The following IQSEC3 variants were observed in gnomAD, a reference collection of about 807,000 sequenced individuals.
The protein encoded by IQSEC3 is IQ motif and Sec7 domain ArfGEF 3.
A neutral mutation model predicts 105.4 loss-of-function variants in IQSEC3; 50 were observed. That is an observed-to-expected ratio of 0.47 (90% CI 0.38 to 0.60). IQSEC3 has a LOEUF of 0.60. IQSEC3 is among the 20% of genes least tolerant of loss of function. IQSEC3 has a pLI of 0.00. For missense variants in IQSEC3, 1,415 were observed against 1,630.0 expected (o/e 0.87, Z 2.27); for synonymous variants, 708 against 746.0 (o/e 0.95, Z 0.83).
chr12:139,124 C>G lies in IQSEC3; in HGVS notation c.1761C>G (p.Ala587=), dbSNP rs781806827. The change falls in exon 4 of 14, where the codon GCC becomes GCG. Residue 587 remains alanine, a synonymous_variant. Coordinates refer to ENST00000538872, the MANE Select transcript of IQSEC3 (RefSeq NM_001170738.2). ...EEETAEVGRG[A]EAEAGDLEQL... is the part of the protein sequence containing the mutation. ...AGACGGCGGAGGTGGGGAGAGGGGC[C>G]GAGGCCGAGGCAGGCGACTTGGAGC... The G allele has an allele frequency of 7.3e-6, 11 of 1,514,768 alleles. No homozygotes were observed. The Admixed American group carries it at 1.9e-4, about 26-fold the overall frequency. 93.8% of individuals were successfully genotyped at this position (1,514,768 alleles called of 1,614,324 possible).
At chr12:91,265 C>G (rs545990176) in intron 1 of IQSEC3, among the ~76,000 whole-genome samples, 1 of 152,294 alleles carries the variant, frequency 6.6e-6, no homozygotes, top group East Asian at 1.9e-4. Context: ...CTAAACCACT[C>G]AACTATTTTT....
intron 2 of IQSEC3, among the ~76,000 whole-genome samples, chr12:123,394 T>C (rs1286742950): frequency 2.0e-5 from 3 of 152,236 alleles, no homozygotes; most frequent in African/African-American, 7.2e-5. Flanking sequence ...TGAGCTGTGA[T>C]TGAGCCACTG....
In IQSEC3 at chr12:157,691, C is replaced by G; in HGVS notation, c.2440C>G (p.Arg814Gly). 1 of 1,611,618 alleles carries G rather than the reference C, an allele frequency of 6.2e-7. No homozygotes were observed. The highest frequency in any genetic ancestry group is 8.5e-7 in the Non-Finnish European group (1 of 1,178,424). Residue 814 changes from arginine to glycine, a missense_variant, in exon 7 of 14, where the codon CGA becomes GGA. Transcript: ENST00000538872. ...MMLEDFIRNL[R>G]GVDDGADIPR... ...GCTGGAGGACTTCATCCGAAACCTT[C>G]GAGGTGAGGAGGTGGGCACTGGGGC...
intron 2 of IQSEC3, among the ~76,000 whole-genome samples, chr12:105,295 C>T (rs1416350219): frequency 6.6e-6 from 1 of 152,238 alleles, no homozygotes; most frequent in Non-Finnish European, 1.5e-5. Context: ...CACAAGCCCC[C>T]TGCAGTGGCG....
chr12:148,728 T>A (rs1236014695), intron 5 of IQSEC3: 4 of 152,208 alleles, frequency 2.6e-5, no homozygotes, highest in African/African-American at 7.2e-5. Flanking sequence ...AACTGCCAAA[T>A]AAAGCCAGGG....
chr12:153,176 C>T (rs568194807), intron 5 of IQSEC3, among the ~76,000 whole-genome samples: 15 of 152,104 alleles, frequency 9.9e-5, no homozygotes, highest in Non-Finnish European at 1.9e-4. Flanking sequence ...AGGGCCGAGG[C>T]TTATAGGTGC....
chr12:99,934 ACCCG>A (rs1321082774), intron 2 of IQSEC3, among the ~76,000 whole-genome samples: 1 of 76,068 alleles, frequency 1.3e-5, no homozygotes, highest in African/African-American at 5.1e-5. Context: ...CGTGCTCCCC[ACCCG>A]CCCCCCGATC....
Position 138,259 on chromosome 12 carries a change from C to T in IQSEC3, c.904-8C>T. On this transcript the variant is annotated splice_polypyrimidine_tract_variant and splice_region_variant and intron_variant, in intron 3 of 13. Coordinates refer to ENST00000538872, the MANE Select transcript of IQSEC3 (RefSeq NM_001170738.2). This position sits in a 1 kb window ranked among gnomAD's most constrained non-coding sequence, Gnocchi z 7.1. ...AGCCCTTCCTCCTCTCTGTCCTCGT[C>T]CTTGCAGATTGAAATGCTAGAACAT... 3 of 1,606,514 alleles carry T rather than the reference C, an allele frequency of 1.9e-6. No homozygotes were observed. The highest frequency in any genetic ancestry group is 1.1e-5 in the South Asian group (1 of 90,262).
At chr12:69,540 C>A (rs1555066916) in intron 1 of IQSEC3, among the ~76,000 whole-genome samples, 1 of 152,270 alleles carries the variant, frequency 6.6e-6, no homozygotes, top group African/African-American at 2.4e-5. Flanking sequence ...TAGAAAGTTG[C>A]CCCAGGCACT....
rs746537240 is a variant in IQSEC3 at position 174,903 on chromosome 12, C to T, written c.3419C>T (p.Pro1140Leu). Residue 1140 changes from proline (P) to leucine (L), a missense_variant, in exon 14 of 14, where the codon CCG becomes CTG. Physicochemically the swap from Pro to Leu is moderately conservative, Grantham distance 98. Transcript: ENST00000538872. The stretch of plus-strand genomic sequence containing the variant: ...ACACCCCTGGGCGGTCCCGGCTCTC[C>T]GGTCAAGGTCACCCACCAGCCTCCG... ...GSTPLGGPGSPVKVTHQPPLP... is the reference protein window; with the variant it reads ...GSTPLGGPGSLVKVTHQPPLP... 36 of 1,560,254 alleles carry T rather than the reference C, an allele frequency of 2.3e-5. No individual in the cohort carries two copies. Among genetic ancestry groups the T allele is most frequent in the African/African-American group, 6.8e-5 (5 of 73,810 alleles).
chr12:151,803 G>A (rs1866520599), intron 5 of IQSEC3, among the ~76,000 whole-genome samples: 1 of 151,994 alleles, frequency 6.6e-6, no homozygotes, highest in Non-Finnish European at 1.5e-5. Context: ...TCCCTGCCGT[G>A]AGCCTTTGCA....
In IQSEC3 at chr12:165,766, G is replaced by A. The variant is rs115184339; in HGVS notation, c.2847G>A (p.Ser949=). ...SHGITLVTPL[S]GSEKKQVLHF... ...GCATCACACTGGTGACCCCGCTCTC[G>A]GGCTCCGAGAAGAAGCAGGTGCTGC... Residue 949 remains serine (S), a synonymous_variant, in exon 11 of 14, where the codon TCG becomes TCA. Transcript: ENST00000538872. 97 of 1,613,902 alleles carry A rather than the reference G, an allele frequency of 6.0e-5. No individual in the cohort carries two copies. In the African/African-American group the frequency reaches 8.9e-4, roughly 15 times the overall value.
At chr12:71,820 T>C (rs1555067630) in intron 1 of IQSEC3, among the ~76,000 whole-genome samples, 1 of 152,274 alleles carries the variant, frequency 6.6e-6, no homozygotes, top group Non-Finnish European at 1.5e-5. Flanking sequence ...GCCTATCCTC[T>C]TGTTCTTCCC....
intron 3 of IQSEC3, among the ~76,000 whole-genome samples, chr12:130,969 C>T (rs568718685): frequency 9.5e-4 from 143 of 150,426 alleles, no homozygotes; most frequent in Non-Finnish European, 1.8e-3. Context: ...CTTGGAAGCC[C>T]CCCACACCTC....
At chr12:89,677 A>G (rs1311152486) in intron 1 of IQSEC3, among the ~76,000 whole-genome samples, 1 of 152,198 alleles carries the variant, frequency 6.6e-6, no homozygotes, top group Non-Finnish European at 1.5e-5. Flanking sequence ...AGAATATTAT[A>G]TAAGTGGAAT....
intron 3 of IQSEC3, among the ~76,000 whole-genome samples, chr12:126,968 A>G (rs1865436034): frequency 6.6e-6 from 1 of 152,240 alleles, no homozygotes; most frequent in Non-Finnish European, 1.5e-5. Flanking sequence ...TGTTTGACCA[A>G]ATCCCCCAAG....
chr12:132,241 A>G (rs1555085323), intron 3 of IQSEC3, among the ~76,000 whole-genome samples: 1 of 152,118 alleles, frequency 6.6e-6, no homozygotes, highest in Non-Finnish European at 1.5e-5. Flanking sequence ...GGGAGAGAAC[A>G]CAAATGAGTC....
intron 2 of IQSEC3, among the ~76,000 whole-genome samples, chr12:106,306 G>A (rs145787413): frequency 9.3e-4 from 142 of 152,336 alleles, no homozygotes; most frequent in African/African-American, 3.3e-3. Context: ...GAAGGCAGGT[G>A]TTGTCAAGTA....
chr12:139,636 G>A (rs1235162967), intron 4 of IQSEC3: 3 of 373,548 alleles, frequency 8.0e-6, no homozygotes, highest in Non-Finnish European at 1.4e-5. Context: ...GATGAAGCTA[G>A]GGTTTGAAAA....
Sources: gnomAD v4.1 joint callset for allele counts (sites outside exome capture counted in the v4.1 genomes callset) on GRCh38, gnomAD v4.1.1 for gene constraint, Gnocchi (gnomAD v3.1) non-coding constraint, MANE v1.5 for transcripts, NCBI Gene and HGNC (gene_info 2026-07-23, HGNC 2026-07-21) for gene names.